C2orf49: variants seen among roughly 807,000 people sequenced by gnomAD.
C2orf49 encodes tRNA-splicing ligase complex subunit ASW.
A neutral mutation model predicts 20.6 loss-of-function variants in C2orf49; 11 were observed. The ratio of observed to expected loss-of-function variants is 0.53; its 90% CI spans 0.34 to 0.88. The LOEUF (loss-of-function observed/expected upper bound fraction) is 0.88, where lower values mean the gene tolerates loss of function less well. Among genes scored for constraint, C2orf49 ranks in the 40% least tolerant of loss-of-function variants. The pLI, the probability that C2orf49 is intolerant of heterozygous loss-of-function variation, is 0.02. For missense variants in C2orf49, 289 were observed against 274.2 expected (o/e 1.05, Z -0.38); for synonymous variants, 134 against 108.5 (o/e 1.24, Z -1.46).
the C2orf49 span, chr2:105,376,215 C>T: frequency 6.6e-5 from 10 of 152,228 alleles, no homozygotes; most frequent in South Asian, 2.1e-4. Context: ...ATACCTGGCA[C>T]GGAGCTAAGC....
chr2:105,338,708 A>T (rs1164375280), intron 1 of C2orf49, among the ~76,000 whole-genome samples: 1 of 152,180 alleles, frequency 6.6e-6, no homozygotes, highest in Non-Finnish European at 1.5e-5. Flanking sequence ...AGATGAGTCT[A>T]ATATACGAAA....
At chr2:105,368,425 G>A in the C2orf49 span, among the ~76,000 whole-genome samples, 2 of 152,136 alleles carry the variant, frequency 1.3e-5, no homozygotes, top group Non-Finnish European at 2.9e-5. Flanking sequence ...TTGAACATCT[G>A]GGCTCCAGGG....
chr2:105,355,582 A>C, the C2orf49 span, among the ~76,000 whole-genome samples: 1 of 152,210 alleles, frequency 6.6e-6, no homozygotes, highest in Non-Finnish European at 1.5e-5. Context: ...ATAATCAAGT[A>C]AAGATCAAAC....
rs751744611 is a variant in C2orf49, at chr2:105,339,727, G to A, written c.244G>A (p.Glu82Lys). ...GATGGAAAAGAAAAGAGAACAACATGAGATTAAAAATGAGACTAAAAGGTA... is the reference window on the plus strand; with the variant it reads ...GATGGAAAAGAAAAGAGAACAACATAAGATTAAAAATGAGACTAAAAGGTA... ...KMMEKKREQH[E>K]IKNETKRSST... Residue 82 changes from glutamate (E) to lysine (K), a missense_variant, in exon 2 of 4, where the codon GAG becomes AAG. Glu to Lys is a moderately conservative substitution (Grantham distance 56, BLOSUM62 1). Coordinates refer to ENST00000258457, the MANE Select transcript of C2orf49 (RefSeq NM_024093.3). The A allele has an allele frequency of 1.0e-5, 16 of 1,598,426 alleles. No homozygotes were observed. Among genetic ancestry groups the A allele is most frequent in the Middle Eastern group, 1.7e-4 (1 of 6,044 alleles).
the C2orf49 span, chr2:105,357,999 C>T: frequency 6.6e-6 from 1 of 152,106 alleles, no homozygotes; most frequent in Non-Finnish European, 1.5e-5. Flanking sequence ...TGGATACAGC[C>T]CTGTCCATAC....
downstream of C2orf49, among the ~76,000 whole-genome samples, chr2:105,351,556 TTTG>T (rs1679936731): frequency 6.6e-6 from 1 of 152,174 alleles, no homozygotes; most frequent in African/African-American, 2.4e-5. Context: ...GTGTTTTTGT[TTTG>T]TTTTGTTTTT....
downstream of C2orf49, among the ~76,000 whole-genome samples, chr2:105,352,440 T>TTTC (rs1679958752): frequency 1.6e-5 from 2 of 124,980 alleles, no homozygotes; most frequent in South Asian, 2.7e-4. Context: ...TTTTTTTTTT[T>TTTC]TTTTTTTTTT....
chr2:105,384,024 A>G, the C2orf49 span, among the ~76,000 whole-genome samples: 2 of 152,230 alleles, frequency 1.3e-5, no homozygotes, highest in African/African-American at 4.8e-5. Flanking sequence ...CTCATAAAAC[A>G]TGCGTGGAAG....
intron 1 of C2orf49, among the ~76,000 whole-genome samples, chr2:105,339,014 T>C (rs1679588647): frequency 6.6e-6 from 1 of 152,222 alleles, no homozygotes; most frequent in Non-Finnish European, 1.5e-5. Flanking sequence ...GAAAATGGGG[T>C]GCAGGCTTTT....
chr2:105,339,901 A>G (rs923525670), intron 2 of C2orf49, 152 bp downstream of exon 2: 13 of 577,400 alleles, frequency 2.3e-5, no homozygotes, highest in Middle Eastern at 9.6e-4. Flanking sequence ...AGCAGTGAAT[A>G]AAACTGACAA....
Position 105,337,623 on chromosome 2 carries a change from C to T in C2orf49, c.36C>T (p.Asp12=). 1 of 1,608,614 alleles carries T rather than the reference C, an allele frequency of 6.2e-7. No homozygotes were observed. The highest frequency in any genetic ancestry group is 8.5e-7 in the Non-Finnish European group (1 of 1,177,782). The change falls in exon 1 of 4, where the codon GAC becomes GAT. Residue 12 remains aspartate (D), a synonymous_variant. Transcript: ENST00000258457. ...AGDVGGRSCT[D]SELLLHPELL... ...ATGTGGGCGGTCGCAGCTGCACGGA[C>T]TCGGAACTGCTGCTGCACCCGGAGC...
chr2:105,384,642 G>A, the C2orf49 span, among the ~76,000 whole-genome samples: 2 of 152,146 alleles, frequency 1.3e-5, no homozygotes, highest in African/African-American at 4.8e-5. Context: ...CAAGTAGCTG[G>A]GATTACAGAT....
At chr2:105,378,250 G>A in the C2orf49 span, 15 of 462,888 alleles carry the variant, frequency 3.2e-5, no homozygotes, top group Admixed American at 1.2e-4. Context: ...TCATTGACAC[G>A]TGACACTTGA....
the C2orf49 span, among the ~76,000 whole-genome samples, chr2:105,383,553 C>G: frequency 2.0e-5 from 3 of 152,256 alleles, no homozygotes; most frequent in African/African-American, 7.2e-5. Context: ...AGCCTAATTC[C>G]CATAGGCATG....
chr2:105,355,398 G>T, the C2orf49 span, among the ~76,000 whole-genome samples: 1 of 152,296 alleles, frequency 6.6e-6, no homozygotes, highest in Non-Finnish European at 1.5e-5. Flanking sequence ...AATCGTCTCT[G>T]CAGGAAGACA....
rs1573248680 is a variant in C2orf49 at position 105,346,222 on chromosome 2, A to G, written c.*851A>G. On this transcript the variant is annotated 3_prime_UTR_variant, in exon 4 of 4. Coordinates refer to ENST00000258457, the MANE Select transcript of C2orf49 (RefSeq NM_024093.3). ...GTAGTGCTGGAAAACTATTCAGAATATACAGATAAAAATGCTGTTCTTTAA... is the reference window on the plus strand; with the variant it reads ...GTAGTGCTGGAAAACTATTCAGAATGTACAGATAAAAATGCTGTTCTTTAA... 6.6e-6 allele frequency: 1 copy of G among 152,332 alleles called. No individual in the cohort carries two copies. The highest frequency in any genetic ancestry group is 1.9e-4 in the East Asian group (1 of 5,184). 9.4% of individuals were successfully genotyped at this position (152,332 alleles called of 1,614,324 possible).
the C2orf49 span, chr2:105,373,409 G>T: frequency 1.3e-6 from 1 of 762,594 alleles, no homozygotes; most frequent in Non-Finnish European, 2.2e-6. Flanking sequence ...TGCTTCGTAA[G>T]TACTCTAAAT....
chr2:105,351,406 T>TA (rs1429066311), downstream of C2orf49, among the ~76,000 whole-genome samples: 2 of 149,510 alleles, frequency 1.3e-5, no homozygotes, highest in Non-Finnish European at 3.0e-5. Flanking sequence ...AATGCAGAGT[T>TA]ACTTTGCTGG....
the C2orf49 span, among the ~76,000 whole-genome samples, chr2:105,384,581 C>T: frequency 6.6e-6 from 1 of 152,288 alleles, no homozygotes; most frequent in South Asian, 2.1e-4. Flanking sequence ...GATCTCGGCT[C>T]ACTGTAACTT....
Sources: allele counts gnomAD v4.1 joint callset (sites outside exome capture counted in the v4.1 genomes callset), GRCh38; gene constraint gnomAD v4.1.1; transcripts MANE v1.5; gene names NCBI Gene and HGNC (gene_info 2026-07-23, HGNC 2026-07-21).